Variants in ABCE1 observed in about 807,000 individuals in gnomAD.
ABCE1 encodes the protein ATP binding cassette subfamily E member 1.
ABCE1 carries 22 observed loss-of-function variants against 83.4 expected under a neutral mutation model. The ratio of observed to expected loss-of-function variants is 0.26; its 90% confidence interval spans 0.19 to 0.38. The LOEUF (loss-of-function observed/expected upper bound fraction) is 0.38, where lower values mean the gene tolerates loss of function less well. ABCE1 is among the 10% of genes least tolerant of loss of function. The probability of loss-of-function intolerance (pLI) is 1.00; values close to 1 mark genes in which losing one functional copy is unlikely to be tolerated. For missense variants in ABCE1, 330 were observed against 721.9 expected, an observed-to-expected ratio of 0.46 and a Z score of 6.22; for synonymous variants, 204 against 233.7, an observed-to-expected ratio of 0.87 and a Z score of 1.16.
chr4:145,127,467 A>G, intron 17 of ABCE1, 59 bp from the exon 18 acceptor site: 1 of 1,456,300 alleles, frequency 6.9e-7, no homozygotes, highest in Non-Finnish European at 9.5e-7. Context: ...GTGAAAGTCT[A>G]CTTTTACCTA....
Position 145,117,387 on chromosome 4 carries a change from G to A in ABCE1, c.895G>A (p.Val299Ile). The change falls in exon 10 of 18, where the codon GTC becomes ATC. Residue 299 changes from valine to isoleucine, a missense_variant. Coordinates refer to ENST00000296577, the MANE Select transcript of ABCE1 (RefSeq NM_002940.3). ...LYGVPSAYGVVTMPFSVREGI... is the reference protein window; with the variant it reads ...LYGVPSAYGVITMPFSVREGI... ...TGGTGTACCAAGCGCCTATGGAGTT[G>A]TCACTATGCCTTTTAGTGTAAGAGA... 6.2e-7 allele frequency: 1 copy of A among 1,611,110 alleles called. No homozygotes were observed. The highest frequency in any genetic ancestry group is 8.5e-7 in the Non-Finnish European group (1 of 1,178,146).
chr4:145,126,935 AAAG>A (rs1749903383), intron 17 of ABCE1, among the ~76,000 whole-genome samples: 1 of 152,184 alleles, frequency 6.6e-6, no homozygotes, highest in South Asian at 2.1e-4. Flanking sequence ...ATTGGGTAGA[AAAG>A]AAGAATTTCT....
chr4:145,125,237 G>T lies in ABCE1; in HGVS notation c.1752+136G>T, dbSNP rs539150332. The T allele has an allele frequency of 1.2e-5, 7 of 581,880 alleles. No homozygotes were observed. In the Admixed American group the frequency reaches 2.2e-4, roughly 18 times the overall value. 36.0% of individuals were successfully genotyped at this position (581,880 alleles called of 1,614,324 possible). ...ATTCAAGCACTTTTGGGAGGCCAAG[G>T]CAGGCAGATCACTTGAGGTCACGAG... On this transcript the variant is annotated intron_variant, in intron 17 of 17. Coordinates refer to ENST00000296577, the MANE Select transcript of ABCE1 (RefSeq NM_002940.3).
chr4:145,108,435 C>G (rs1202229420), intron 4 of ABCE1, among the ~76,000 whole-genome samples: 4 of 152,114 alleles, frequency 2.6e-5, no homozygotes, highest in Admixed American at 2.6e-4. Flanking sequence ...CACTGTTGTT[C>G]CTAGTACCCT....
intron 16 of ABCE1, 195 bp downstream of exon 16, chr4:145,123,795 C>T (rs1749804670): frequency 2.4e-6 from 1 of 412,546 alleles, no homozygotes; most frequent in Non-Finnish European, 4.3e-6. Flanking sequence ...TGTGGAATCC[C>T]TCACCAGGAA....
intron 9 of ABCE1, 141 bp downstream of exon 9, chr4:145,112,469 T>G (rs936015948): frequency 1.5e-6 from 1 of 646,720 alleles, no homozygotes; most frequent in African/African-American, 1.9e-5. Context: ...AATTTACCTT[T>G]CTTTACCTAG....
At chr4:145,112,823 T>C (rs1233913418) in intron 9 of ABCE1, among the ~76,000 whole-genome samples, 1 of 152,212 alleles carries the variant, frequency 6.6e-6, no homozygotes, top group African/African-American at 2.4e-5. Flanking sequence ...TGTCATTTGA[T>C]CCTCATGGTT....
chr4:145,112,421 A>C (rs1749505823), intron 9 of ABCE1, 93 bp downstream of exon 9: 11 of 885,828 alleles, frequency 1.2e-5, no homozygotes, highest in Non-Finnish European at 1.7e-5. Context: ...AATGTGATGT[A>C]CATATTTTTT....
Position 145,120,110 on chromosome 4 carries a change from A to T in ABCE1, c.1101A>T (p.Gly367=), listed in dbSNP as rs780679004. ...MGEFELAIVA[G]EFTDSEIMVM... is the part of the protein sequence containing the mutation. ...AATTTGAGCTAGCAATTGTAGCTGG[A>T]GAGTTTACAGATTCTGAAATTATGG... Residue 367 remains glycine, a synonymous_variant, in exon 11 of 18, where the codon GGA becomes GGT. Transcript: ENST00000296577. 6.2e-7 allele frequency: 1 copy of T among 1,609,806 alleles called. No homozygotes were observed. Among genetic ancestry groups the T allele is most frequent in the Non-Finnish European group, 8.5e-7 (1 of 1,178,786 alleles).
intron 17 of ABCE1, among the ~76,000 whole-genome samples, chr4:145,125,819 C>T (rs1011555302): frequency 2.0e-5 from 3 of 152,154 alleles, no homozygotes; most frequent in Admixed American, 6.5e-5. Flanking sequence ...AATCCCAGAA[C>T]TTTGGGAAGC....
intron 8 of ABCE1, among the ~76,000 whole-genome samples, chr4:145,111,750 G>A (rs956187497): frequency 2.0e-5 from 3 of 151,888 alleles, no homozygotes; most frequent in African/African-American, 7.2e-5. Flanking sequence ...CCATGTGAAA[G>A]AGAGGAGAGG....
intron 16 of ABCE1, 72 bp from the exon 17 acceptor site, chr4:145,124,918 C>A: frequency 9.6e-7 from 1 of 1,036,448 alleles, no homozygotes; most frequent in Non-Finnish European, 1.5e-6. Flanking sequence ...ATTCTTAATA[C>A]CCTTCCTCTC....
At chr4:145,126,233 C>T (rs1749883500) in intron 17 of ABCE1, among the ~76,000 whole-genome samples, 1 of 152,138 alleles carries the variant, frequency 6.6e-6, no homozygotes, top group Non-Finnish European at 1.5e-5. Context: ...ATCTTAGTCA[C>T]TCAGAAACAG....
intron 11 of ABCE1, 187 bp from the exon 12 acceptor site, chr4:145,120,987 C>T: frequency 1.7e-6 from 1 of 578,678 alleles, no homozygotes; most frequent in Non-Finnish European, 3.1e-6. Flanking sequence ...CTCTTAATTA[C>T]CTTAGAATGA....
At chr4:145,127,447 A>C in intron 17 of ABCE1, 79 bp from the exon 18 acceptor site, 1 of 1,260,990 alleles carries the variant, frequency 7.9e-7, no homozygotes, top group Non-Finnish European at 1.1e-6. Flanking sequence ...ACAGCTAAGT[A>C]ATACCATGAG....
chr4:145,114,629 G>C lies in ABCE1; in HGVS notation c.800+2301G>C, dbSNP rs112753223. Among the ~76,000 whole-genome samples the C allele has an allele frequency of 5.5e-4, 84 of 151,880 alleles. 2 individuals are homozygous for C. The highest frequency in any genetic ancestry group is 1.8e-3 in the African/African-American group (74 of 41,466). On this transcript the variant is annotated intron_variant, in intron 9 of 17. Coordinates refer to ENST00000296577, the MANE Select transcript of ABCE1 (RefSeq NM_002940.3). The stretch of plus-strand genomic sequence containing the variant: ...GTAACTATTTTGTATAGTTGCAATA[G>C]GAAAGTGAAATAAATAAGTGTAGAT...
intron 11 of ABCE1, among the ~76,000 whole-genome samples, chr4:145,120,435 GTTA>G (rs1690864485): frequency 6.6e-6 from 1 of 152,056 alleles, no homozygotes; most frequent in Non-Finnish European, 1.5e-5. Context: ...TGATAAGGCA[GTTA>G]TTAATCTTAT....
chr4:145,107,072 C>G (rs1749326820), intron 3 of ABCE1, among the ~76,000 whole-genome samples: 1 of 151,982 alleles, frequency 6.6e-6, no homozygotes, highest in Non-Finnish European at 1.5e-5. Context: ...AGCCATATTA[C>G]CATTCTTAAA....
At chr4:145,108,982 C>T (rs1157087568) in intron 4 of ABCE1, 150 bp from the exon 5 acceptor site, 2 of 549,130 alleles carry the variant, frequency 3.6e-6, no homozygotes, top group East Asian at 3.1e-5. Flanking sequence ...CTGTTTTTTT[C>T]CTAATAGCCA....
Sources: gnomAD v4.1 joint callset for allele counts (sites outside exome capture counted in the v4.1 genomes callset) on GRCh38, gnomAD v4.1.1 for gene constraint, MANE v1.5 for transcripts, NCBI Gene and HGNC (gene_info 2026-07-23, HGNC 2026-07-21) for gene names.